Variants in HDAC9 observed in about 807,000 individuals in gnomAD.
HDAC9 encodes histone deacetylase 9, also known as MEF-2 interacting transcription repressor (MITR) protein.
HDAC9 carries 41 observed loss-of-function variants against 139.4 expected under a neutral mutation model. That is an observed-to-expected ratio of 0.29 (90% CI 0.23 to 0.38). HDAC9 has a LOEUF of 0.38. Ranked by LOEUF, HDAC9 falls within the 10% of genes least tolerant of loss-of-function variation. The pLI is 1.00. For missense variants in HDAC9, 1,147 were observed against 1,297.0 expected, an observed-to-expected ratio of 0.88 and a Z score of 1.78; for synonymous variants, 517 against 476.2, an observed-to-expected ratio of 1.09 and a Z score of -1.12.
chr7:18,381,795 C>G (rs544019938), intron 1 of HDAC9, among the ~76,000 whole-genome samples: 2 of 152,122 alleles, frequency 1.3e-5, no homozygotes, highest in East Asian at 3.9e-4. Context: ...CAAGAGAGTT[C>G]TTATTTCAGG....
intron 1 of HDAC9, among the ~76,000 whole-genome samples, chr7:18,296,448 C>T (rs1798156477): frequency 6.7e-6 from 1 of 149,998 alleles, no homozygotes; most frequent in South Asian, 2.1e-4. Context: ...GTGTGTGTAA[C>T]TATAATAAAC....
chr7:18,628,869 G>C (rs948487163), intron 6 of HDAC9, among the ~76,000 whole-genome samples: 6 of 152,080 alleles, frequency 3.9e-5, no homozygotes, highest in Non-Finnish European at 7.4e-5. Context: ...GTCAGAATTA[G>C]ACATAAATTA....
intron 1 of HDAC9, among the ~76,000 whole-genome samples, chr7:18,303,586 C>G (rs932920091): frequency 6.6e-6 from 1 of 152,118 alleles, no homozygotes; most frequent in African/African-American, 2.4e-5. Flanking sequence ...AGCATAGGTG[C>G]TGGAGTCCAT....
chr7:18,242,418 A>G (rs1347387382), intron 2 of HDAC9, among the ~76,000 whole-genome samples: 1 of 152,344 alleles, frequency 6.6e-6, no homozygotes, highest in Non-Finnish European at 1.5e-5. Flanking sequence ...TGACTGGATA[A>G]CAAAGCTAGG....
intron 2 of HDAC9, among the ~76,000 whole-genome samples, chr7:18,165,359 A>G (rs998429709): frequency 2.0e-5 from 3 of 152,208 alleles, no homozygotes; most frequent in African/African-American, 4.8e-5. Context: ...AGTCCATTCA[A>G]CAGCACTAGT....
At chr7:18,644,002 A>C (rs1007456187) in intron 8 of HDAC9, among the ~76,000 whole-genome samples, 2 of 152,116 alleles carry the variant, frequency 1.3e-5, no homozygotes, top group African/African-American at 4.8e-5. Context: ...GATTAAAAAA[A>C]AGGTATTTGT....
chr7:18,331,643 A>T (rs1453607216), intron 1 of HDAC9, among the ~76,000 whole-genome samples: 1 of 151,668 alleles, frequency 6.6e-6, no homozygotes, highest in Non-Finnish European at 1.5e-5. Flanking sequence ...TTTTAAAAAA[A>T]GAAGTACAAA....
At chr7:18,905,881 CTTCT>C (rs1432600916) in intron 22 of HDAC9, among the ~76,000 whole-genome samples, 3 of 151,536 alleles carry the variant, frequency 2.0e-5, no homozygotes, top group Admixed American at 1.3e-4. Context: ...CTTTCTTTTC[CTTCT>C]TTCCTTTCTT....
chr7:18,235,091 A>C (rs1793726790), intron 2 of HDAC9, among the ~76,000 whole-genome samples: 1 of 152,154 alleles, frequency 6.6e-6, no homozygotes, highest in African/African-American at 2.4e-5. Context: ...TTAATCAAGC[A>C]CCCTAGATGA....
At position 18,178,209 on chromosome 7, in the gene HDAC9, G is replaced by A. The variant is rs528332813; in HGVS notation, c.25+15860G>A. Among the ~76,000 whole-genome samples the A allele has an allele frequency of 2.6e-5, 4 of 152,182 alleles. No homozygotes were observed. The South Asian group carries it at 6.2e-4, about 24-fold the overall frequency. ...AGCAATTCCCTTGCCTCAGCATCCC[G>A]AGTAGCTGGGATTACAGGCACATGC... is the stretch of plus-strand genomic sequence containing the variant. On this transcript the variant is annotated intron_variant, in intron 2 of 12. Transcript: ENST00000417496.
chr7:18,355,889 T>C (rs1386459775), intron 1 of HDAC9, among the ~76,000 whole-genome samples: 1 of 152,108 alleles, frequency 6.6e-6, no homozygotes, highest in Non-Finnish European at 1.5e-5. Flanking sequence ...CAAAGTAGAC[T>C]CGTGATTTCC....
At chr7:18,837,294 A>C (rs908043796) in intron 21 of HDAC9, among the ~76,000 whole-genome samples, 2 of 151,988 alleles carry the variant, frequency 1.3e-5, no homozygotes, top group African/African-American at 2.4e-5. Context: ...GTTGATTGTG[A>C]AGATATTTTG....
rs947643818 is a variant in HDAC9, at chr7:18,587,322, G to A, written c.264+1800G>A. Among the ~76,000 whole-genome samples the A allele has an allele frequency of 2.6e-5, 4 of 152,126 alleles. No individual in the cohort carries two copies. In the South Asian group the frequency reaches 6.2e-4, roughly 24 times the overall value. ...GGCTCCTGTGAGAAAAAAGAATTAT[G>A]AGATAGCTAAAAGGAAAATTTAGCT... is the stretch of plus-strand genomic sequence containing the variant. On this transcript the variant is annotated intron_variant, in intron 3 of 25. Transcript: ENST00000686413.
intron 2 of HDAC9, among the ~76,000 whole-genome samples, chr7:18,188,011 A>T (rs756926565): frequency 8.5e-5 from 13 of 152,228 alleles, no homozygotes; most frequent in Non-Finnish European, 1.2e-4. Flanking sequence ...TAAATTTCAT[A>T]TGGAATCAAA....
intron 22 of HDAC9, among the ~76,000 whole-genome samples, chr7:18,880,845 G>GT (rs1771719011): frequency 3.0e-4 from 2 of 6,574 alleles, no homozygotes. Context: ...ATAGTTGCCG[G>GT]GGGGGGGGGA....
chr7:18,310,733 T>C (rs1799253646), intron 1 of HDAC9, among the ~76,000 whole-genome samples: 1 of 151,854 alleles, frequency 6.6e-6, no homozygotes, highest in South Asian at 2.1e-4. Flanking sequence ...ACAGCATTGT[T>C]AACTTACAGC....
At chr7:18,845,244 T>C (rs186782789) in intron 21 of HDAC9, among the ~76,000 whole-genome samples, 1 of 152,298 alleles carries the variant, frequency 6.6e-6, no homozygotes, top group African/African-American at 2.4e-5. Flanking sequence ...ATTTTTTTAA[T>C]TAACAAATTA....
intron 21 of HDAC9, among the ~76,000 whole-genome samples, chr7:18,866,292 T>C (rs1198621125): frequency 6.6e-6 from 1 of 151,958 alleles, no homozygotes; most frequent in Non-Finnish European, 1.5e-5. Flanking sequence ...CCCGTGACTT[T>C]CTGTACAATT....
chr7:18,981,127 T>C (rs1784922378), intron 25 of HDAC9, among the ~76,000 whole-genome samples: 1 of 152,058 alleles, frequency 6.6e-6, no homozygotes, highest in African/African-American at 2.4e-5. Flanking sequence ...CCCGGCCTGT[T>C]TCTTCTTTTA....
Sources: allele counts gnomAD v4.1 joint callset (sites outside exome capture counted in the v4.1 genomes callset), GRCh38; gene constraint gnomAD v4.1.1; transcripts MANE v1.5; gene names NCBI Gene and HGNC (gene_info 2026-07-23, HGNC 2026-07-21).